Variants in ALG11 observed in about 807,000 individuals in gnomAD.
ALG11 encodes GDP-Man:Man(3)GlcNAc(2)-PP-Dol alpha-1,2-mannosyltransferase.
In ALG11, 26 loss-of-function variants were observed where a neutral mutation model predicts 38.8. The observed-to-expected ratio is 0.67, with a 90% CI of 0.49 to 0.93. The LOEUF (loss-of-function observed/expected upper bound fraction) is 0.93, where lower values mean the gene tolerates loss of function less well. Among genes scored for constraint, ALG11 ranks in the 40% least tolerant of loss-of-function variants. ALG11 has a pLI of 0.00. For missense variants in ALG11, 535 were observed against 578.8 expected, an observed-to-expected ratio of 0.92 and a Z score of 0.78; for synonymous variants, 199 against 211.6, an observed-to-expected ratio of 0.94 and a Z score of 0.52.
Position 52,031,182 on chromosome 13 carries a change from G to T in ALG11, c.*2592G>T. 6.6e-7 allele frequency: 1 copy of T among 1,515,964 alleles called. No homozygotes were observed. The highest frequency in any genetic ancestry group is 1.4e-5 in the South Asian group (1 of 73,008). The allele number at this position is 1,515,964 out of a possible 1,614,324, so 93.9% of individuals were successfully genotyped here. Reference sequence around the variant, plus strand: ...GTCCAGTTTTACTCTGCTACAGGGTGGATTCCAAAACTGGCTCAGCACATT... The same window carrying T: ...GTCCAGTTTTACTCTGCTACAGGGTTGATTCCAAAACTGGCTCAGCACATT... On this transcript the variant is annotated 3_prime_UTR_variant, in exon 4 of 4. Coordinates refer to ENST00000521508, the MANE Select transcript of ALG11 (RefSeq NM_001004127.3).
In ALG11 at chr13:52,024,337, A is replaced by G. The variant is rs766602319; in HGVS notation, c.607A>G (p.Ser203Gly). 1 of 1,614,188 alleles carries G rather than the reference A, an allele frequency of 6.2e-7. No individual in the cohort carries two copies. The highest frequency in any genetic ancestry group is 1.3e-5 in the African/African-American group (1 of 75,064). Reference protein sequence around the residue: ...VGSYVHYPTISTDMLSVVKNQ... With the variant: ...VGSYVHYPTIGTDMLSVVKNQ... ...AAGCTATGTTCATTATCCTACTATC[A>G]GCACCGACATGCTCTCTGTAGTGAA... is the stretch of plus-strand genomic sequence containing the variant. The change falls in exon 3 of 4, where the codon AGC becomes GGC. Residue 203 changes from serine to glycine, a missense_variant. Transcript: ENST00000521508.
At chr13:52,019,683 G>C (rs1205878824) in intron 2 of ALG11, among the ~76,000 whole-genome samples, 1 of 152,206 alleles carries the variant, frequency 6.6e-6, no homozygotes, top group Non-Finnish European at 1.5e-5. Context: ...GCTCACACCA[G>C]TAATCCCAGT....
At chr13:52,018,817 CTAATATA>C in intron 1 of ALG11, 89 bp from the exon 2 acceptor site, 1 of 992,944 alleles carries the variant, frequency 1.0e-6, no homozygotes, top group Non-Finnish European at 1.5e-6. Context: ...CTCTTTGTTA[CTAATATA>C]TAAAGTAGAT....
chr13:52,021,242 A>G (rs1289558378), intron 2 of ALG11: 2 of 152,238 alleles, frequency 1.3e-5, no homozygotes, highest in Non-Finnish European at 2.9e-5. Flanking sequence ...TATGTTAGGT[A>G]TTGTTTGAAG....
In ALG11 at chr13:52,030,169, G is replaced by A. The variant is rs752129733; in HGVS notation, c.*1579G>A. On this transcript the variant is annotated 3_prime_UTR_variant, in exon 4 of 4. Coordinates refer to ENST00000521508, the MANE Select transcript of ALG11 (RefSeq NM_001004127.3). ...AAGATTCTAGCAGCCAGGAGGTGCT[G>A]TCCGAATTGAGGGCACTATCTCAGA... The A allele has an allele frequency of 6.2e-7, 1 of 1,614,222 alleles. No homozygotes were observed. The highest frequency in any genetic ancestry group is 8.5e-7 in the Non-Finnish European group (1 of 1,180,034).
At chr13:52,012,618 T>G (rs923622263) in intron 1 of ALG11, among the ~76,000 whole-genome samples, 156 bp downstream of exon 1, 15 of 152,010 alleles carry the variant, frequency 9.9e-5, no homozygotes, top group African/African-American at 3.6e-4. Context: ...TTCTTGGGGG[T>G]CTTCTATATA....
chr13:52,015,400 C>T (rs1122934), intron 1 of ALG11, among the ~76,000 whole-genome samples: 9,330 of 152,022 alleles, frequency 0.061, 327 homozygotes, highest in Admixed American at 0.11. Flanking sequence ...AGAGTGAGAC[C>T]CTGTATCTAA....
In ALG11 at chr13:52,024,155, C is replaced by T. The variant is rs1954213787; in HGVS notation, c.425C>T (p.Ser142Leu). The change falls in exon 3 of 4, where the codon TCA (serine) becomes TTA (leucine). Residue 142 changes from serine to leucine, a missense_variant. Transcript: ENST00000521508. ...AGGAAACGCTATCTTGTGGAAGATT[C>T]ACTGTATCCTCACTTCACACTGCTG... is the stretch of plus-strand genomic sequence containing the variant. ...FLRKRYLVED[S>L]LYPHFTLLGQ... The T allele has an allele frequency of 6.2e-7, 1 of 1,614,118 alleles. No individual in the cohort carries two copies. Among genetic ancestry groups the T allele is most frequent in the Non-Finnish European group, 8.5e-7 (1 of 1,180,012 alleles).
intron 3 of ALG11, among the ~76,000 whole-genome samples, 196 bp from the exon 4 acceptor site, chr13:52,028,123 A>G (rs1345059341): frequency 2.0e-5 from 3 of 152,162 alleles, no homozygotes; most frequent in Admixed American, 6.5e-5. Context: ...CAGTATTATT[A>G]TGAAGCTTTG....
At chr13:52,015,920 C>T (rs187732351) in intron 1 of ALG11, 14 of 152,760 alleles carry the variant, frequency 9.2e-5, no homozygotes, top group East Asian at 5.8e-4. Context: ...GAGGCTGGAA[C>T]AGTTTGGAGG....
At chr13:52,027,996 G>A (rs1485336368) in intron 3 of ALG11, among the ~76,000 whole-genome samples, 1 of 151,818 alleles carries the variant, frequency 6.6e-6, no homozygotes. Flanking sequence ...GGTAGCTCAC[G>A]CTGGTAAATC....
At position 52,032,320 on chromosome 13, in the gene ALG11, A is replaced by G. The variant is rs1593909217; in HGVS notation, c.*3730A>G. The G allele has an allele frequency of 6.0e-6, 1 of 167,152 alleles. No homozygotes were observed. The highest frequency in any genetic ancestry group is 1.9e-4 in the East Asian group (1 of 5,188). 10.4% of individuals were successfully genotyped at this position (167,152 alleles called of 1,614,324 possible). ...ATCCTATATTTATTAATGCATTACA[A>G]CTCTGTAGATTGTTAGTTACTAGGC... is the stretch of plus-strand genomic sequence containing the variant. On this transcript the variant is annotated 3_prime_UTR_variant, in exon 4 of 4. Coordinates refer to ENST00000521508, the MANE Select transcript of ALG11 (RefSeq NM_001004127.3).
rs1247450143 is a variant in ALG11, at chr13:52,031,401, C to T, written c.*2811C>T. Reference sequence around the variant, plus strand: ...GAAATTTTAAACAGACTTGTTTAATCGTGTTCTCAAAGCATACAGTCAAGA... The same window carrying T: ...GAAATTTTAAACAGACTTGTTTAATTGTGTTCTCAAAGCATACAGTCAAGA... On this transcript the variant is annotated 3_prime_UTR_variant, in exon 4 of 4. Coordinates refer to ENST00000521508, the MANE Select transcript of ALG11 (RefSeq NM_001004127.3). 1.4e-5 allele frequency: 5 copies of T among 365,652 alleles called. No homozygotes were observed. Among genetic ancestry groups the T allele is most frequent in the East Asian group, 1.1e-4 (2 of 17,940 alleles). 22.7% of individuals were successfully genotyped at this position (365,652 alleles called of 1,614,324 possible).
Position 52,029,313 on chromosome 13 carries a change from T to C in ALG11, c.*723T>C, listed in dbSNP as rs996647421. Reference sequence around the variant, plus strand: ...AAGGAGCAGCCAGCCATTGCTCCCATTGAACATGCGCTCAGTGGCTGGAAG... The same window carrying C: ...AAGGAGCAGCCAGCCATTGCTCCCACTGAACATGCGCTCAGTGGCTGGAAG... On this transcript the variant is annotated 3_prime_UTR_variant, in exon 4 of 4. Coordinates refer to ENST00000521508, the MANE Select transcript of ALG11 (RefSeq NM_001004127.3). 3.1e-6 allele frequency: 5 copies of C among 1,614,132 alleles called. No individual in the cohort carries two copies. Among genetic ancestry groups the C allele is most frequent in the African/African-American group, 1.3e-5 (1 of 75,044 alleles).
intron 1 of ALG11, among the ~76,000 whole-genome samples, chr13:52,013,645 G>A (rs1412322739): frequency 6.6e-6 from 1 of 152,212 alleles, no homozygotes; most frequent in Non-Finnish European, 1.5e-5. Flanking sequence ...TGGGTCAGCT[G>A]CATTTTAAAT....
Position 52,030,078 on chromosome 13 carries a change from G to A in ALG11, c.*1488G>A, listed in dbSNP as rs1954283400. On this transcript the variant is annotated 3_prime_UTR_variant, in exon 4 of 4. Transcript: ENST00000521508. Reference sequence around the variant, plus strand: ...ATTTTGTTGAGAGAATTTGAGGAAAGGCAATCCCTTAGAAAAAGATCTGAG... The same window carrying A: ...ATTTTGTTGAGAGAATTTGAGGAAAAGCAATCCCTTAGAAAAAGATCTGAG... 2 of 1,614,056 alleles carry A rather than the reference G, an allele frequency of 1.2e-6. No homozygotes were observed. The highest frequency in any genetic ancestry group is 1.7e-6 in the Non-Finnish European group (2 of 1,180,044).
chr13:52,014,152 C>T (rs1954115371), intron 1 of ALG11, among the ~76,000 whole-genome samples: 1 of 151,956 alleles, frequency 6.6e-6, no homozygotes, highest in Non-Finnish European at 1.5e-5. Flanking sequence ...CTAAGTTAGC[C>T]TGAATTTTCT....
Position 52,031,080 on chromosome 13 carries a change from G to A in ALG11, c.*2490G>A, listed in dbSNP as rs149714218. ...AGGAATCCAAAACGAATCACCACAC[G>A]TCACAATAAAGAAGAAAAACTGTAG... On this transcript the variant is annotated 3_prime_UTR_variant, in exon 4 of 4. Coordinates refer to ENST00000521508, the MANE Select transcript of ALG11 (RefSeq NM_001004127.3). 5.3e-5 allele frequency: 86 copies of A among 1,612,754 alleles called. 1 individual carries two copies. The African/African-American group carries it at 8.7e-4, about 16-fold the overall frequency.
Position 52,012,439 on chromosome 13 carries a change from C to G in ALG11, c.21C>G (p.Ser7Arg), listed in dbSNP as rs746897177. The G allele has an allele frequency of 2.1e-5, 34 of 1,613,948 alleles. No homozygotes were observed. The South Asian group carries it at 3.4e-4, about 16-fold the overall frequency. ...GGAAGATGGCGGCCGGCGAAAGGAG[C>G]TGGTGCCTGTGCAAGTTGTTGAGGT... MAAGER[S>R]WCLCKLLRFF... Residue 7 changes from serine (S) to arginine (R), a missense_variant, in exon 1 of 4, where the codon AGC becomes AGG. Coordinates refer to ENST00000521508, the MANE Select transcript of ALG11 (RefSeq NM_001004127.3).
Sources: gnomAD v4.1 joint callset for allele counts (sites outside exome capture counted in the v4.1 genomes callset) on GRCh38, gnomAD v4.1.1 for gene constraint, MANE v1.5 for transcripts, NCBI Gene and HGNC (gene_info 2026-07-23, HGNC 2026-07-21) for gene names.